Variants in GNA14 observed in about 807,000 individuals in gnomAD.
GNA14 encodes G protein subunit alpha 14.
Under a neutral mutation model 42.0 loss-of-function variants are expected in GNA14, and 50 were observed. The observed-to-expected ratio is 1.19, with a 90% confidence interval of 0.95 to 1.51. GNA14 has a LOEUF of 1.51. Among genes scored for constraint, GNA14 ranks in the 40% most tolerant of loss-of-function variants. The probability of loss-of-function intolerance (pLI) is 0.00; values close to 1 mark genes in which losing one functional copy is unlikely to be tolerated. For missense variants in GNA14, 473 were observed against 446.2 expected (o/e 1.06, Z -0.54); for synonymous variants, 173 against 163.1 (o/e 1.06, Z -0.46).
At chr9:77,437,724 G>A (rs1835661989) in intron 2 of GNA14, among the ~76,000 whole-genome samples, 1 of 152,188 alleles carries the variant, frequency 6.6e-6, no homozygotes, top group Admixed American at 6.5e-5. Flanking sequence ...TGGTGATTTT[G>A]GAAGCATGAG....
rs1835501766 is a variant in GNA14 at position 77,428,997 on chromosome 9, CT to C, written c.632del (p.Lys211SerfsTer18). 2.5e-6 allele frequency: 4 copies of C among 1,614,004 alleles called. No individual in the cohort carries two copies. In the Admixed American group the frequency reaches 5.0e-5, roughly 20 times the overall value. On this transcript the variant is annotated frameshift_variant, in exon 5 of 7. Transcript: ENST00000341700. LOFTEE classifies it high-confidence loss of function. ...DVGGQRSERRKWIHCFESVTS... is the reference protein window; with the variant it reads ...DVGGQRSERRXWIHCFESVTS... ...TGACACTCTCAAAGCAGTGAATCCACTTCCGTCTTTCCGATCGTTGGCCACC... is the reference window on the plus strand; with the variant it reads ...TGACACTCTCAAAGCAGTGAATCCACTCCGTCTTTCCGATCGTTGGCCACC...
rs566422652 is a variant in GNA14 at position 77,478,134 on chromosome 9, G to A, written c.310-43612C>T. ...GTTGGTGTGCTGCACCCATTAACTC[G>A]TCATTTAGCATTAGGTATATCTCCT... On this transcript the variant is annotated intron_variant, in intron 2 of 6. Transcript: ENST00000341700. 1.8e-3 allele frequency among the ~76,000 whole-genome samples: 274 copies of A among 151,144 alleles called. 1 individual carries two copies. Among genetic ancestry groups the A allele is most frequent in the East Asian group, 1.2e-3 (6 of 5,114 alleles).
At chr9:77,638,923 G>T (rs1824219095) in intron 1 of GNA14, among the ~76,000 whole-genome samples, 1 of 152,114 alleles carries the variant, frequency 6.6e-6, no homozygotes, top group Admixed American at 6.5e-5. Flanking sequence ...AATTTTCATA[G>T]CCCTGTAGAA....
chr9:77,513,069 T>C (rs1837195220), intron 2 of GNA14, among the ~76,000 whole-genome samples: 1 of 152,190 alleles, frequency 6.6e-6, no homozygotes, highest in Non-Finnish European at 1.5e-5. Flanking sequence ...CTTGTGTAAA[T>C]ATTGATAGAG....
intron 1 of GNA14, chr9:77,580,265 G>A (rs1214756997): frequency 1.4e-5 from 4 of 291,406 alleles, no homozygotes; most frequent in Admixed American, 3.9e-5. Context: ...AGCTGATTTG[G>A]AAGCAAACTG....
intron 2 of GNA14, among the ~76,000 whole-genome samples, chr9:77,501,967 A>G (rs1206919216): frequency 6.6e-6 from 1 of 152,054 alleles, no homozygotes. Flanking sequence ...TCAGCCTCCC[A>G]AAGTGCTGGG....
At chr9:77,461,552 G>A (rs776815879) in intron 2 of GNA14, among the ~76,000 whole-genome samples, 4 of 151,980 alleles carry the variant, frequency 2.6e-5, no homozygotes, top group Admixed American at 6.6e-5. Context: ...TCTTAGCCTC[G>A]CTCACCATCT....
intron 1 of GNA14, among the ~76,000 whole-genome samples, chr9:77,548,058 A>G (rs542522694): frequency 9.8e-5 from 15 of 152,290 alleles, no homozygotes; most frequent in Admixed American, 9.2e-4. Flanking sequence ...TAATAAGGAG[A>G]AAGTTGGAAA....
chr9:77,558,229 C>A (rs75468398), intron 1 of GNA14, among the ~76,000 whole-genome samples: 13 of 151,944 alleles, frequency 8.6e-5, no homozygotes, highest in Admixed American at 6.6e-4. Flanking sequence ...TTTGGAGGTG[C>A]CTTGCCATGA....
chr9:77,438,921 A>G (rs1207783532), intron 2 of GNA14, among the ~76,000 whole-genome samples: 1 of 152,208 alleles, frequency 6.6e-6, no homozygotes, highest in Non-Finnish European at 1.5e-5. Flanking sequence ...CGTGGACACA[A>G]CATTATTATT....
chr9:77,647,636 C>A, intron 1 of GNA14, 34 bp downstream of exon 1: 1 of 1,594,204 alleles, frequency 6.3e-7, no homozygotes, highest in Non-Finnish European at 8.5e-7. Flanking sequence ...AGAAAAACGC[C>A]CGGCTCACTG....
chr9:77,478,432 G>A (rs1391038626), intron 2 of GNA14, among the ~76,000 whole-genome samples: 2 of 152,108 alleles, frequency 1.3e-5, no homozygotes, highest in African/African-American at 4.8e-5. Context: ...TATCGTTGTT[G>A]GACATTTGGG....
chr9:77,603,972 A>AAAAAAAAAAC (rs1564064437), intron 1 of GNA14, among the ~76,000 whole-genome samples: 13 of 148,590 alleles, frequency 8.7e-5, no homozygotes, highest in East Asian at 4.1e-4. Flanking sequence ...AAAAAAAAAA[A>AAAAAAAAAAC]AAAAAAAAAC....
Position 77,524,723 on chromosome 9 carries a change from G to A in GNA14, c.309+4346C>T, listed in dbSNP as rs369804476. On this transcript the variant is annotated intron_variant, in intron 2 of 6. Transcript: ENST00000341700. The stretch of plus-strand genomic sequence containing the variant: ...TGTTTGGAATCAAGACTAGCTCTGA[G>A]AAAAAATTATTAGAAATAACAGCCA... Among the ~76,000 whole-genome samples, 46 of 152,170 alleles carry A rather than the reference G, an allele frequency of 3.0e-4. No individual in the cohort carries two copies. The East Asian group carries it at 7.9e-3, about 26-fold the overall frequency.
intron 4 of GNA14, 66 bp from the exon 5 acceptor site, chr9:77,429,102 G>A (rs1835504099): frequency 6.7e-7 from 1 of 1,500,588 alleles, no homozygotes; most frequent in African/African-American, 1.4e-5. Flanking sequence ...AAAAGGACAT[G>A]AATTATAGCA....
intron 1 of GNA14, among the ~76,000 whole-genome samples, chr9:77,544,611 G>A (rs1190749856): frequency 2.0e-5 from 3 of 146,452 alleles, no homozygotes; most frequent in East Asian, 2.0e-4. Flanking sequence ...GCTAAAGCAC[G>A]AGAATCACTT....
intron 2 of GNA14, among the ~76,000 whole-genome samples, chr9:77,525,913 A>G (rs867998433): frequency 8.0e-6 from 1 of 125,532 alleles, no homozygotes; most frequent in Non-Finnish European, 1.5e-5. Flanking sequence ...TTTTTTTAAA[A>G]AAAAAAAAAA....
intron 2 of GNA14, among the ~76,000 whole-genome samples, chr9:77,498,004 C>A (rs1836900706): frequency 6.6e-6 from 1 of 152,186 alleles, no homozygotes; most frequent in Non-Finnish European, 1.5e-5. Flanking sequence ...CAAATCCAGG[C>A]ACTGCCATTT....
At position 77,443,634 on chromosome 9, in the gene GNA14, A is replaced by G. The variant is rs552097553; in HGVS notation, c.310-9112T>C. Among the ~76,000 whole-genome samples the G allele has an allele frequency of 3.9e-5, 6 of 152,318 alleles. No homozygotes were observed. The South Asian group carries it at 8.3e-4, about 21-fold the overall frequency. On this transcript the variant is annotated intron_variant, in intron 2 of 6. Coordinates refer to ENST00000341700, the MANE Select transcript of GNA14 (RefSeq NM_004297.4). Reference sequence around the variant, plus strand: ...TAAATAACAGAATTTACTGGCCACAATAAGTGTTGGCATGAGGGGCCAAGT... The same window carrying G: ...TAAATAACAGAATTTACTGGCCACAGTAAGTGTTGGCATGAGGGGCCAAGT...
Sources: gnomAD v4.1 joint callset for allele counts (sites outside exome capture counted in the v4.1 genomes callset) on GRCh38, gnomAD v4.1.1 for gene constraint, MANE v1.5 for transcripts, NCBI Gene and HGNC (gene_info 2026-07-23, HGNC 2026-07-21) for gene names.